GATA6: variants seen among roughly 807,000 people sequenced by gnomAD.
GATA6 encodes the protein GATA binding protein 6.
Under a neutral mutation model 48.1 loss-of-function variants are expected in GATA6, and 11 were observed. The observed-to-expected ratio is 0.23, with a 90% CI of 0.14 to 0.38. The LOEUF is 0.38. Among genes scored for constraint, GATA6 ranks in the 10% least tolerant of loss-of-function variants. GATA6 has a pLI of 1.00. For synonymous variants in GATA6, 419 were observed against 396.1 expected (o/e 1.06, Z -0.69); for missense variants, 795 against 850.3 (o/e 0.93, Z 0.81).
intron 6 of GATA6, among the ~76,000 whole-genome samples, chr18:22,189,392 T>C (rs2143318396): frequency 6.6e-6 from 1 of 152,344 alleles, no homozygotes; most frequent in East Asian, 1.9e-4. Flanking sequence ...AACACCTTAG[T>C]AGGTCCTGTA....
intron 3 of GATA6, among the ~76,000 whole-genome samples, chr18:22,178,621 ATGGT>A (rs1305796617): frequency 6.6e-6 from 1 of 152,176 alleles, no homozygotes; most frequent in Non-Finnish European, 1.5e-5. Context: ...AATTAGTTTT[ATGGT>A]TGGTTTTGTT....
intron 6 of GATA6, among the ~76,000 whole-genome samples, chr18:22,184,118 C>T (rs1171100303): frequency 6.6e-6 from 1 of 152,158 alleles, no homozygotes; most frequent in East Asian, 1.9e-4. Flanking sequence ...GGAACTACTG[C>T]CCCGGAGGTG....
At chr18:22,186,266 T>C (rs1383971178) in intron 6 of GATA6, among the ~76,000 whole-genome samples, 2 of 152,122 alleles carry the variant, frequency 1.3e-5, no homozygotes, top group Non-Finnish European at 2.9e-5. Flanking sequence ...AAGGGCGATC[T>C]TAGGCACCCT....
chr18:22,171,089 C>T lies in GATA6; in HGVS notation c.-37-19C>T. The stretch of plus-strand genomic sequence containing the variant: ...CCCGTCGATCTCCTACCATACCCGT[C>T]TCCCCCACCCCACCTCAGGAGCTAG... On this transcript the variant is annotated intron_variant, in intron 1 of 6. Coordinates refer to ENST00000269216, the MANE Select transcript of GATA6 (RefSeq NM_005257.6). The surrounding 1 kb of genome is among the most constrained non-coding windows in gnomAD (Gnocchi z 7.1). 1 of 1,506,006 alleles carries T rather than the reference C, an allele frequency of 6.6e-7. No individual in the cohort carries two copies. The highest frequency in any genetic ancestry group is 9.1e-7 in the Non-Finnish European group (1 of 1,099,040). 93.3% of individuals were successfully genotyped at this position (1,506,006 alleles called of 1,614,324 possible).
At chr18:22,186,987 C>T (rs73962497) in intron 6 of GATA6, among the ~76,000 whole-genome samples, 6,844 of 152,168 alleles carry the variant, frequency 0.045, 523 homozygotes, top group African/African-American at 0.16. Context: ...GGAGGACTCA[C>T]GGTCATACAG....
chr18:22,189,144 G>A (rs754005646), intron 6 of GATA6, among the ~76,000 whole-genome samples: 1 of 152,288 alleles, frequency 6.6e-6, no homozygotes, highest in Middle Eastern at 3.4e-3. Flanking sequence ...GACACTGTGT[G>A]CTTAGCTAGA....
rs776617460 is a variant in GATA6, at chr18:22,172,310, G to C, written c.1135+31G>C. On this transcript the variant is annotated intron_variant, in intron 2 of 6. Transcript: ENST00000269216. The surrounding 1 kb of genome is among the most constrained non-coding windows in gnomAD (Gnocchi z 5.2). ...GGTCGCGCCTCAGGTTCGGGGTGCG[G>C]GTCCAAAGCGCTGGGGCGCACGGGG... 4 of 1,526,246 alleles carry C rather than the reference G, an allele frequency of 2.6e-6. No homozygotes were observed. In the African/African-American group the frequency reaches 4.1e-5, roughly 16 times the overall value. 94.5% of individuals were successfully genotyped at this position (1,526,246 alleles called of 1,614,324 possible).
At position 22,200,909 on chromosome 18, in the gene GATA6, C is replaced by G; in HGVS notation, c.*86C>G. On this transcript the variant is annotated 3_prime_UTR_variant, in exon 7 of 7. Coordinates refer to ENST00000269216, the MANE Select transcript of GATA6 (RefSeq NM_005257.6). ...TTTTGTGCAGCGGTCCAGACAGTGG[C>G]GACTGCGCTGACAGAACGTGATTCT... 4.4e-6 allele frequency: 6 copies of G among 1,352,214 alleles called. No homozygotes were observed. Among genetic ancestry groups the G allele is most frequent in the Non-Finnish European group, 6.1e-6 (6 of 979,300 alleles). The allele number at this position is 1,352,214 out of a possible 1,614,324, so 83.8% of individuals were successfully genotyped here.
At chr18:22,190,892 C>T (rs554174306) in intron 6 of GATA6, among the ~76,000 whole-genome samples, 6 of 152,306 alleles carry the variant, frequency 3.9e-5, no homozygotes, top group African/African-American at 7.2e-5. Context: ...TAATAACTCA[C>T]GTTCTTGTCT....
At chr18:22,175,516 C>T (rs972976237) in intron 2 of GATA6, 7 of 152,228 alleles carry the variant, frequency 4.6e-5, no homozygotes, top group South Asian at 4.1e-4. Context: ...TACTGATTAC[C>T]GTAGTCAATA....
chr18:22,177,061 C>T lies in GATA6; in HGVS notation c.1242C>T (p.Cys414=). The change falls in exon 3 of 7, where the codon TGC becomes TGT. Residue 414 remains cysteine, a synonymous_variant. Coordinates refer to ENST00000269216, the MANE Select transcript of GATA6 (RefSeq NM_005257.6). ...CCGGCCACTACCTGTGCAACGCCTG[C>T]GGGCTCTACAGCAAGATGAACGGCC... ...DGTGHYLCNA[C]GLYSKMNGLS... is the part of the protein sequence containing the mutation. 1 of 1,573,972 alleles carries T rather than the reference C, an allele frequency of 6.4e-7. No homozygotes were observed. Among genetic ancestry groups the T allele is most frequent in the African/African-American group, 1.4e-5 (1 of 73,844 alleles).
chr18:22,200,072 A>G (rs987110421), intron 6 of GATA6, among the ~76,000 whole-genome samples: 1 of 152,190 alleles, frequency 6.6e-6, no homozygotes, highest in Non-Finnish European at 1.5e-5. Flanking sequence ...TTTATTTTCC[A>G]TGAAGTCAAT....
chr18:22,184,053 T>C (rs892168475), intron 6 of GATA6, among the ~76,000 whole-genome samples: 8 of 152,230 alleles, frequency 5.3e-5, no homozygotes, highest in Non-Finnish European at 7.3e-5. Flanking sequence ...TCAGAGTCTC[T>C]GGGTGTGGGA....
chr18:22,186,101 T>C (rs2033259335), intron 6 of GATA6, among the ~76,000 whole-genome samples: 1 of 152,228 alleles, frequency 6.6e-6, no homozygotes, highest in African/African-American at 2.4e-5. Context: ...ACAAAGTATA[T>C]GTATTACATA....
In GATA6 at chr18:22,200,936, G is replaced by A. The variant is rs2033455098; in HGVS notation, c.*113G>A. The A allele has an allele frequency of 2.6e-6, 3 of 1,138,858 alleles. No homozygotes were observed. The East Asian group carries it at 7.8e-5, about 30-fold the overall frequency. 70.5% of individuals were successfully genotyped at this position (1,138,858 alleles called of 1,614,324 possible). On this transcript the variant is annotated 3_prime_UTR_variant, in exon 7 of 7. Transcript: ENST00000269216. ...ACTGCGCTGACAGAACGTGATTCTC[G>A]TGCCTTTATTTTGAAAGAGATGTTT...
intron 6 of GATA6, among the ~76,000 whole-genome samples, chr18:22,184,636 A>G (rs1170259623): frequency 6.6e-6 from 1 of 151,890 alleles, no homozygotes; most frequent in Non-Finnish European, 1.5e-5. Context: ...CTAGAATTAC[A>G]GGCATACACC....
At chr18:22,181,164 T>C (rs2033190413) in intron 3 of GATA6, among the ~76,000 whole-genome samples, 1 of 152,168 alleles carries the variant, frequency 6.6e-6, no homozygotes. Flanking sequence ...TGCATGAAGT[T>C]ATTGGCCAAC....
At chr18:22,197,497 T>C (rs536307017) in intron 6 of GATA6, among the ~76,000 whole-genome samples, 26 of 152,218 alleles carry the variant, frequency 1.7e-4, no homozygotes, top group Admixed American at 5.2e-4. Flanking sequence ...TTTTGCTTCA[T>C]CCTTCTGTTT....
At position 22,171,062 on chromosome 18, in the gene GATA6, A is replaced by T; in HGVS notation, c.-37-46A>T. On this transcript the variant is annotated intron_variant, in intron 1 of 6. Transcript: ENST00000269216. This position sits in a 1 kb window ranked among gnomAD's most constrained non-coding sequence, Gnocchi z 7.1. Reference sequence around the variant, plus strand: ...GTAGCGTGCAGCCTACGCTCTTGTTAACCCGTCGATCTCCTACCATACCCG... The same window carrying T: ...GTAGCGTGCAGCCTACGCTCTTGTTTACCCGTCGATCTCCTACCATACCCG... The T allele has an allele frequency of 8.2e-7, 1 of 1,215,592 alleles. No homozygotes were observed. The highest frequency in any genetic ancestry group is 1.2e-6 in the Non-Finnish European group (1 of 844,206). 75.3% of individuals were successfully genotyped at this position (1,215,592 alleles called of 1,614,324 possible).
Sources: gnomAD v4.1 joint callset for allele counts (sites outside exome capture counted in the v4.1 genomes callset) on GRCh38, gnomAD v4.1.1 for gene constraint, Gnocchi (gnomAD v3.1) non-coding constraint, MANE v1.5 for transcripts, NCBI Gene and HGNC (gene_info 2026-07-23, HGNC 2026-07-21) for gene names.